The following MRPL57 variants were observed in gnomAD, a reference collection of about 807,000 sequenced individuals.
The protein encoded by MRPL57 is mitochondrial ribosomal protein L57.
A neutral mutation model predicts 1.3 loss-of-function variants in MRPL57; 1 was observed. The observed-to-expected ratio is 0.79, with a 90% CI of 0.28 to 3.75. MRPL57 has a LOEUF of 3.75. Ranked by LOEUF, MRPL57 falls within the 30% of genes most tolerant of loss-of-function variation. The pLI, the probability that MRPL57 is intolerant of heterozygous loss-of-function variation, is 0.19. For missense variants in MRPL57, 170 were observed against 148.9 expected, an observed-to-expected ratio of 1.14 and a Z score of -0.74; for synonymous variants, 79 against 61.7, an observed-to-expected ratio of 1.28 and a Z score of -1.31.
rs370617436 is a variant in MRPL57, at chr13:21,176,787, C to G, written c.-6+70C>G. The stretch of plus-strand genomic sequence containing the variant: ...GCCTGCTGGCCTTACCTGGGCTCCC[C>G]GCTTCTCTGGAGGGGAGGCGGTGCG... On this transcript the variant is annotated intron_variant, in intron 1 of 1. Transcript: ENST00000309594. 1.2e-4 allele frequency: 129 copies of G among 1,035,518 alleles called. 1 individual carries two copies. Among genetic ancestry groups the G allele is most frequent in the South Asian group, 1.1e-3 (69 of 61,876 alleles). The allele number at this position is 1,035,518 out of a possible 1,614,324, so 64.1% of individuals were successfully genotyped here. A position where few individuals can be genotyped will look rare whatever the true frequency, so the allele number is the denominator to read the frequency against.
chr13:21,176,948 G>C lies in MRPL57; in HGVS notation c.32G>C (p.Arg11Pro), dbSNP rs758388732. 1.9e-6 allele frequency: 3 copies of C among 1,610,930 alleles called. No homozygotes were observed. The highest frequency in any genetic ancestry group is 1.1e-5 in the South Asian group (1 of 91,068). Residue 11 changes from arginine to proline, a missense_variant, in exon 2 of 2, where the codon CGC becomes CCC. Transcript: ENST00000309594. ...CTGACTGCGCTCCTCTGGCGCGGCC[G>C]CATTCCCGGCCGTCAGTGGATCGGG... MFLTALLWRG[R>P]IPGRQWIGKH...
rs1329036273 is a variant in MRPL57, at chr13:21,176,695, CAG to C, written c.-25_-24del. 6.8e-5 allele frequency: 45 copies of C among 661,094 alleles called. No individual in the cohort carries two copies. The highest frequency in any genetic ancestry group is 9.4e-5 in the African/African-American group (5 of 53,116). 41.0% of individuals were successfully genotyped at this position (661,094 alleles called of 1,614,324 possible). ...GCGTCTGCTGGCGGCCGCGGAGACG[CAG>C]AGTCTTGAGCAGCGCGGCAGGTGAG... On this transcript the variant is annotated 5_prime_UTR_variant, in exon 1 of 2. Coordinates refer to ENST00000309594, the MANE Select transcript of MRPL57 (RefSeq NM_024026.5).
chr13:21,177,514 GT>G lies in MRPL57; in HGVS notation c.*290del. ...TGCAATAAAGCCACAATGATTTGAGGTCTTTGCTTAAGTATGAGATACTTGA... is the reference window on the plus strand; with the variant it reads ...TGCAATAAAGCCACAATGATTTGAGGCTTTGCTTAAGTATGAGATACTTGA... On this transcript the variant is annotated 3_prime_UTR_variant, in exon 2 of 2. Transcript: ENST00000309594. 2.3e-6 allele frequency: 1 copy of G among 441,952 alleles called. No homozygotes were observed. The highest frequency in any genetic ancestry group is 4.2e-6 in the Non-Finnish European group (1 of 239,962). The allele number at this position is 441,952 out of a possible 1,614,324, so 27.4% of individuals were successfully genotyped here.
At chr13:21,176,889 A>C (rs1871591066) in intron 1 of MRPL57, 23 bp from the exon 2 acceptor site, 2 of 1,594,380 alleles carry the variant, frequency 1.3e-6, no homozygotes, top group Non-Finnish European at 1.7e-6. Flanking sequence ...CGCCTCCGCA[A>C]AGCCCGTCCC....
At position 21,177,039 on chromosome 13, in the gene MRPL57, C is replaced by A. The variant is rs749156063; in HGVS notation, c.123C>A (p.Ile41=). The A allele has an allele frequency of 2.5e-6, 4 of 1,613,532 alleles. No homozygotes were observed. Among genetic ancestry groups the A allele is most frequent in the Admixed American group, 1.7e-5 (1 of 60,028 alleles). The part of the protein sequence containing the change: ...AKQNMIRRLE[I]EAENHYWLSM... ...AGAACATGATCCGCCGCCTGGAGATCGAGGCGGAGAACCATTACTGGCTGA... is the reference window on the plus strand; with the variant it reads ...AGAACATGATCCGCCGCCTGGAGATAGAGGCGGAGAACCATTACTGGCTGA... Residue 41 remains isoleucine, a synonymous_variant, in exon 2 of 2, where the codon ATC becomes ATA. Coordinates refer to ENST00000309594, the MANE Select transcript of MRPL57 (RefSeq NM_024026.5).
chr13:21,176,824 A>C, intron 1 of MRPL57, 88 bp from the exon 2 acceptor site: 1 of 1,371,352 alleles, frequency 7.3e-7, no homozygotes, highest in East Asian at 2.3e-5. Flanking sequence ...GAACTCCCGT[A>C]GGCGTGAGCT....
In MRPL57 at chr13:21,176,687, C is replaced by T. The variant is rs1166121962; in HGVS notation, c.-36C>T. 6.0e-6 allele frequency: 4 copies of T among 663,058 alleles called. No individual in the cohort carries two copies. Among genetic ancestry groups the T allele is most frequent in the Non-Finnish European group, 9.8e-6 (4 of 406,624 alleles). The allele number at this position is 663,058 out of a possible 1,614,324, so 41.1% of individuals were successfully genotyped here. The stretch of plus-strand genomic sequence containing the variant: ...ACGCCACGGCGTCTGCTGGCGGCCG[C>T]GGAGACGCAGAGTCTTGAGCAGCGC... On this transcript the variant is annotated 5_prime_UTR_variant, in exon 1 of 2. Coordinates refer to ENST00000309594, the MANE Select transcript of MRPL57 (RefSeq NM_024026.5).
rs1871653471 is a variant in MRPL57 at position 21,177,576 on chromosome 13, T to A, written c.*351T>A. 1 of 248,034 alleles carries A rather than the reference T, an allele frequency of 4.0e-6. No homozygotes were observed. The highest frequency in any genetic ancestry group is 5.8e-5 in the Admixed American group (1 of 17,256). The allele number at this position is 248,034 out of a possible 1,614,324, so 15.4% of individuals were successfully genotyped here. On this transcript the variant is annotated 3_prime_UTR_variant, in exon 2 of 2. Coordinates refer to ENST00000309594, the MANE Select transcript of MRPL57 (RefSeq NM_024026.5). Reference sequence around the variant, plus strand: ...ATCATGCAACATTAGTTTGCTTACCTTAAGAATTGCCCAAAAATGAAAGAA... The same window carrying A: ...ATCATGCAACATTAGTTTGCTTACCATAAGAATTGCCCAAAAATGAAAGAA...
Position 21,176,685 on chromosome 13 carries a change from C to G in MRPL57, c.-38C>G, listed in dbSNP as rs1418768213. On this transcript the variant is annotated 5_prime_UTR_variant, in exon 1 of 2. Transcript: ENST00000309594. ...TTACGCCACGGCGTCTGCTGGCGGCCGCGGAGACGCAGAGTCTTGAGCAGC... is the reference window on the plus strand; with the variant it reads ...TTACGCCACGGCGTCTGCTGGCGGCGGCGGAGACGCAGAGTCTTGAGCAGC... 6 of 661,854 alleles carry G rather than the reference C, an allele frequency of 9.1e-6. No individual in the cohort carries two copies. The highest frequency in any genetic ancestry group is 2.1e-5 in the South Asian group (1 of 48,150). The allele number at this position is 661,854 out of a possible 1,614,324, so 41.0% of individuals were successfully genotyped here. A position where few individuals can be genotyped will look rare whatever the true frequency, so the allele number is the denominator to read the frequency against.
In MRPL57 at chr13:21,176,684, C is replaced by T. The variant is rs905626026; in HGVS notation, c.-39C>T. The T allele has an allele frequency of 6.0e-6, 4 of 664,336 alleles. No homozygotes were observed. Among genetic ancestry groups the T allele is most frequent in the African/African-American group, 3.8e-5 (2 of 53,180 alleles). 41.2% of individuals were successfully genotyped at this position (664,336 alleles called of 1,614,324 possible). A position where few individuals can be genotyped will look rare whatever the true frequency, so the allele number is the denominator to read the frequency against. On this transcript the variant is annotated 5_prime_UTR_variant, in exon 1 of 2. Transcript: ENST00000309594. ...CTTACGCCACGGCGTCTGCTGGCGG[C>T]CGCGGAGACGCAGAGTCTTGAGCAG... is the stretch of plus-strand genomic sequence containing the variant.
At position 21,176,987 on chromosome 13, in the gene MRPL57, C is replaced by T; in HGVS notation, c.71C>T (p.Pro24Leu). 1 of 1,612,202 alleles carries T rather than the reference C, an allele frequency of 6.2e-7. No individual in the cohort carries two copies. Among genetic ancestry groups the T allele is most frequent in the Non-Finnish European group, 8.5e-7 (1 of 1,179,936 alleles). ...GRQWIGKHRR[P>L]RFVSLRAKQN... ...CAGTGGATCGGGAAGCACCGGCGGC[C>T]GCGGTTCGTGTCGTTGCGCGCCAAG... is the stretch of plus-strand genomic sequence containing the variant. The change falls in exon 2 of 2, where the codon CCG (proline) becomes CTG (leucine). Residue 24 changes from proline (P) to leucine (L), a missense_variant. Transcript: ENST00000309594.
At chr13:21,176,814 G>A in intron 1 of MRPL57, 97 bp downstream of exon 1, 1 of 1,278,130 alleles carries the variant, frequency 7.8e-7, no homozygotes, top group South Asian at 1.4e-5. Context: ...GGCGGTGCGG[G>A]AACTCCCGTA....
chr13:21,176,869 C>A (rs1278575886), intron 1 of MRPL57, 43 bp from the exon 2 acceptor site: 1 of 1,582,730 alleles, frequency 6.3e-7, no homozygotes, highest in Non-Finnish European at 8.6e-7. Flanking sequence ...CAGGTCCGGC[C>A]GCGCCAGTTC....
In MRPL57 at chr13:21,178,039, T is replaced by C. The variant is rs555199835; in HGVS notation, c.*814T>C. ...AGCTGTTACAGGAAGGTGTATTTTT[T>C]AGCTATTTTGGCAGGGTGCTGTGGT... On this transcript the variant is annotated 3_prime_UTR_variant, in exon 2 of 2. Transcript: ENST00000309594. 6.0e-6 allele frequency: 1 copy of C among 167,264 alleles called. No individual in the cohort carries two copies. The highest frequency in any genetic ancestry group is 6.5e-5 in the Admixed American group (1 of 15,312). 10.4% of individuals were successfully genotyped at this position (167,264 alleles called of 1,614,324 possible). A position where few individuals can be genotyped will look rare whatever the true frequency, so the allele number is the denominator to read the frequency against.
Position 21,177,260 on chromosome 13 carries a change from G to T in MRPL57, c.*35G>T. On this transcript the variant is annotated 3_prime_UTR_variant, in exon 2 of 2. Transcript: ENST00000309594. ...GTCACCCTTGGATTTTATGGATCAC[G>T]GAGCTGACCATCTTTACCTGGTCCT... 1 of 1,603,208 alleles carries T rather than the reference G, an allele frequency of 6.2e-7. No homozygotes were observed. The highest frequency in any genetic ancestry group is 8.5e-7 in the Non-Finnish European group (1 of 1,173,212).
Position 21,177,090 on chromosome 13 carries a change from G to A in MRPL57, c.174G>A (p.Gln58=). 1 of 1,613,970 alleles carries A rather than the reference G, an allele frequency of 6.2e-7. No homozygotes were observed. The highest frequency in any genetic ancestry group is 8.5e-7 in the Non-Finnish European group (1 of 1,180,030). Residue 58 remains glutamine (Q), a synonymous_variant, in exon 2 of 2, where the codon CAG becomes CAA. Transcript: ENST00000309594. ...WLSMPYMTRE[Q]ERGHAAVRRR... is the part of the protein sequence containing the mutation. ...GCATGCCCTACATGACCCGGGAGCA[G>A]GAGCGCGGCCACGCCGCGGTGCGCA... is the stretch of plus-strand genomic sequence containing the variant.
In MRPL57 at chr13:21,177,528, A is replaced by G. The variant is rs1871650223; in HGVS notation, c.*303A>G. The stretch of plus-strand genomic sequence containing the variant: ...AATGATTTGAGGTCTTTGCTTAAGT[A>G]TGAGATACTTGATGGGGGCTTTATC... On this transcript the variant is annotated 3_prime_UTR_variant, in exon 2 of 2. Transcript: ENST00000309594. The G allele has an allele frequency of 5.0e-6, 2 of 401,618 alleles. No individual in the cohort carries two copies. Among genetic ancestry groups the G allele is most frequent in the African/African-American group, 2.1e-5 (1 of 47,068 alleles). The allele number at this position is 401,618 out of a possible 1,614,324, so 24.9% of individuals were successfully genotyped here.
chr13:21,176,821 C>G (rs890156477), intron 1 of MRPL57, 91 bp from the exon 2 acceptor site: 1 of 1,360,136 alleles, frequency 7.4e-7, no homozygotes, highest in Non-Finnish European at 1.0e-6. Flanking sequence ...CGGGAACTCC[C>G]GTAGGCGTGA....
chr13:21,176,921 T>A lies in MRPL57; in HGVS notation c.5T>A (p.Phe2Tyr). Residue 2 changes from phenylalanine (F) to tyrosine (Y), a missense_variant, in exon 2 of 2, where the codon TTC (phenylalanine) becomes TAC (tyrosine). Coordinates refer to ENST00000309594, the MANE Select transcript of MRPL57 (RefSeq NM_024026.5). M[F>Y]LTALLWRGRI... ...TCCCTCTCTTCCGCAGGCACCATGT[T>A]CCTGACTGCGCTCCTCTGGCGCGGC... 6.2e-7 allele frequency: 1 copy of A among 1,607,596 alleles called. No individual in the cohort carries two copies. Among genetic ancestry groups the A allele is most frequent in the Non-Finnish European group, 8.5e-7 (1 of 1,179,056 alleles).
Sources: gnomAD v4.1 joint callset for allele counts on GRCh38, gnomAD v4.1.1 for gene constraint, MANE v1.5 for transcripts, NCBI Gene and HGNC (gene_info 2026-07-23, HGNC 2026-07-21) for gene names.